PLCE1: variants seen among roughly 807,000 people sequenced by gnomAD.
PLCE1 encodes phospholipase C epsilon 1.
In PLCE1, 119 loss-of-function variants were observed where a neutral mutation model predicts 242.8. The ratio of observed to expected loss-of-function variants is 0.49; its 90% CI spans 0.42 to 0.57. The LOEUF is 0.57. Among genes scored for constraint, PLCE1 ranks in the 20% least tolerant of loss-of-function variants. The probability of loss-of-function intolerance (pLI) is 0.00; values close to 1 mark genes in which losing one functional copy is unlikely to be tolerated. For synonymous variants in PLCE1, 945 were observed against 1,017.4 expected (o/e 0.93, Z 1.35); for missense variants, 2,441 against 2,788.8 (o/e 0.88, Z 2.81).
At chr10:94,087,581 C>T (rs533304807) in intron 2 of PLCE1, among the ~76,000 whole-genome samples, 101 of 151,944 alleles carry the variant, frequency 6.6e-4, no homozygotes, top group African/African-American at 2.3e-3. Flanking sequence ...AGACTACAGG[C>T]GCACACCACC....
chr10:94,285,075 C>T (rs2052389787), intron 22 of PLCE1, 110 bp downstream of exon 22: 2 of 717,568 alleles, frequency 2.8e-6, no homozygotes, highest in East Asian at 5.2e-5. Context: ...AATTGTGTTG[C>T]TGAAATCATT....
intron 3 of PLCE1, among the ~76,000 whole-genome samples, chr10:94,152,796 G>A (rs1224179053): frequency 6.6e-6 from 1 of 152,120 alleles, no homozygotes; most frequent in African/African-American, 2.4e-5. Flanking sequence ...TTTTATAGGG[G>A]AAAAAATTCC....
Position 94,269,005 on chromosome 10 carries a change from G to A in PLCE1, c.4358G>A (p.Gly1453Glu), listed in dbSNP as rs983730547. The change falls in exon 17 of 33, where the codon GGA (glycine) becomes GAA (glutamate). Residue 1453 changes from glycine (G) to glutamate (E), a missense_variant. Coordinates refer to ENST00000371380, the MANE Select transcript of PLCE1 (RefSeq NM_016341.4). ...GATGGGATGCCCATCATTTATCATG[G>A]ACATACGCTGACAACCAAGATCCCC... ...GDDGMPIIYH[G>E]HTLTTKIPFK... 1.5e-5 allele frequency: 24 copies of A among 1,606,134 alleles called. No individual in the cohort carries two copies. Among genetic ancestry groups the A allele is most frequent in the Non-Finnish European group, 1.7e-5 (20 of 1,173,426 alleles).
At chr10:94,289,968 C>G (rs1367341968) in intron 22 of PLCE1, among the ~76,000 whole-genome samples, 1 of 151,986 alleles carries the variant, frequency 6.6e-6, no homozygotes, top group African/African-American at 2.4e-5. Context: ...TGTAATAACA[C>G]TTAGCTTAAA....
chr10:94,304,684 T>A, intron 25 of PLCE1, 39 bp downstream of exon 25: 1 of 1,604,252 alleles, frequency 6.2e-7, no homozygotes. Flanking sequence ...AAGGTCGGGT[T>A]TAAGCCTTCC....
At chr10:94,251,953 C>T (rs866248487) in intron 8 of PLCE1, among the ~76,000 whole-genome samples, 17 of 152,294 alleles carry the variant, frequency 1.1e-4, no homozygotes, top group Middle Eastern at 6.8e-3. Flanking sequence ...ATACCCTGCC[C>T]CTCTCCCTTC....
chr10:94,138,178 G>C, intron 3 of PLCE1: 1 of 374,688 alleles, frequency 2.7e-6, no homozygotes, highest in Non-Finnish European at 5.2e-6. Context: ...TCTGGCTTCT[G>C]CTAAGTCAAT....
rs201347806 is a variant in PLCE1 at position 94,261,733 on chromosome 10, TG to T, written c.3815-760del. Among the ~76,000 whole-genome samples, 42 of 152,320 alleles carry T rather than the reference TG, an allele frequency of 2.8e-4. No individual in the cohort carries two copies. In the East Asian group the frequency reaches 7.9e-3, roughly 29 times the overall value. Reference sequence around the variant, plus strand: ...CTAAGCTAAACATATTCCTTCCATGTGACCAGCAATTACAGTACTTGGTATT... The same window carrying T: ...CTAAGCTAAACATATTCCTTCCATGTACCAGCAATTACAGTACTTGGTATT... On this transcript the variant is annotated intron_variant, in intron 13 of 32. Transcript: ENST00000371380.
intron 18 of PLCE1, among the ~76,000 whole-genome samples, chr10:94,271,882 C>T (rs1449625987): frequency 6.6e-6 from 1 of 152,100 alleles, no homozygotes; most frequent in African/African-American, 2.4e-5. Flanking sequence ...GTCCATGATG[C>T]CCACCTGAGC....
chr10:94,209,364 G>C (rs2049262685), intron 4 of PLCE1, among the ~76,000 whole-genome samples: 1 of 152,144 alleles, frequency 6.6e-6, no homozygotes, highest in Admixed American at 6.5e-5. Flanking sequence ...GATTTTTCCA[G>C]CACTTTGAAA....
intron 28 of PLCE1, among the ~76,000 whole-genome samples, chr10:94,314,185 A>C (rs2053488956): frequency 6.6e-6 from 1 of 152,232 alleles, no homozygotes; most frequent in Non-Finnish European, 1.5e-5. Flanking sequence ...CATGTCCTCC[A>C]AAGGGCGAGG....
Position 94,083,370 on chromosome 10 carries a change from G to A in PLCE1, c.1207-48804G>A, listed in dbSNP as rs368996455. ...ATTCTGATGTATAAAGGTGTCGGTC[G>A]TTTTCATCAGCCCATTTTTTTGGGG... On this transcript the variant is annotated intron_variant, in intron 2 of 32. Coordinates refer to ENST00000371380, the MANE Select transcript of PLCE1 (RefSeq NM_016341.4). Among the ~76,000 whole-genome samples the A allele has an allele frequency of 3.6e-4, 55 of 152,214 alleles. 1 individual carries two copies. The East Asian group carries it at 8.9e-3, about 25-fold the overall frequency.
chr10:94,018,422 GC>G (rs992894058), intron 1 of PLCE1, among the ~76,000 whole-genome samples: 2 of 152,158 alleles, frequency 1.3e-5, no homozygotes, highest in African/African-American at 2.4e-5. Flanking sequence ...AGAAGGCAAG[GC>G]CAACCCATGA....
chr10:94,128,495 G>C, intron 2 of PLCE1, among the ~76,000 whole-genome samples: 1 of 152,204 alleles, frequency 6.6e-6, no homozygotes, highest in Non-Finnish European at 1.5e-5. Flanking sequence ...GAAGTTCAGA[G>C]CTTCATTCAC....
chr10:94,304,002 C>G (rs1415046606), intron 24 of PLCE1, among the ~76,000 whole-genome samples: 1 of 151,658 alleles, frequency 6.6e-6, no homozygotes, highest in African/African-American at 2.4e-5. Context: ...ATCTAGGCTC[C>G]CAGGGGAAAA....
At chr10:94,035,536 A>G (rs191588141) in intron 2 of PLCE1, among the ~76,000 whole-genome samples, 1 of 152,320 alleles carries the variant, frequency 6.6e-6, no homozygotes, top group Admixed American at 6.5e-5. Context: ...CTGTCAGAGT[A>G]GACTCCAGGA....
intron 18 of PLCE1, among the ~76,000 whole-genome samples, chr10:94,273,150 C>T (rs2051813668): frequency 1.3e-5 from 2 of 152,322 alleles, no homozygotes; most frequent in African/African-American, 4.8e-5. Flanking sequence ...TATGTGGACG[C>T]AAATTCTACC....
At chr10:94,226,011 A>G (rs2049925941) in intron 4 of PLCE1, among the ~76,000 whole-genome samples, 1 of 152,350 alleles carries the variant, frequency 6.6e-6, no homozygotes, top group Non-Finnish European at 1.5e-5. Flanking sequence ...ATGTGAGGTC[A>G]AGACCAAGAC....
chr10:94,071,769 G>C (rs1357353882), intron 2 of PLCE1, among the ~76,000 whole-genome samples: 1 of 152,026 alleles, frequency 6.6e-6, no homozygotes, highest in East Asian at 1.9e-4. Context: ...AAAGTGCTAG[G>C]AATACAGGGG....
Sources: gnomAD v4.1 joint callset for allele counts (sites outside exome capture counted in the v4.1 genomes callset) on GRCh38, gnomAD v4.1.1 for gene constraint, MANE v1.5 for transcripts, NCBI Gene and HGNC (gene_info 2026-07-23, HGNC 2026-07-21) for gene names.